TIAM2: variants seen among roughly 807,000 people sequenced by gnomAD.
TIAM2 encodes TIAM Rac1 associated GEF 2, also known as rho guanine nucleotide exchange factor TIAM2.
Under a neutral mutation model 152.9 loss-of-function variants are expected in TIAM2, and 80 were observed. The ratio of observed to expected loss-of-function variants is 0.52; its 90% CI spans 0.44 to 0.63. The LOEUF (loss-of-function observed/expected upper bound fraction) is 0.63. TIAM2 is among the 30% of genes least tolerant of loss of function. The pLI is 0.00. For missense variants in TIAM2, 1,965 were observed against 2,120.1 expected (o/e 0.93, Z 1.44); for synonymous variants, 804 against 838.0 (o/e 0.96, Z 0.70).
intron 1 of TIAM2, among the ~76,000 whole-genome samples, chr6:155,017,250 T>G (rs552656044): frequency 1.2e-3 from 177 of 152,042 alleles, no homozygotes; most frequent in Non-Finnish European, 2.0e-3. Context: ...CCAGGAAAAC[T>G]GAGGGGCAAG....
At chr6:155,196,275 A>G (rs1230910124) in intron 14 of TIAM2, among the ~76,000 whole-genome samples, 1 of 152,034 alleles carries the variant, frequency 6.6e-6, no homozygotes, top group East Asian at 1.9e-4. Context: ...AAATAGGAAG[A>G]TGGGTGTGGA....
intron 1 of TIAM2, among the ~76,000 whole-genome samples, chr6:155,081,247 T>C (rs1482446658): frequency 6.6e-6 from 1 of 152,174 alleles, no homozygotes. Flanking sequence ...CAGAAATGAC[T>C]GGCATCTCCA....
chr6:155,116,130 C>G (rs1228612750), intron 2 of TIAM2, among the ~76,000 whole-genome samples: 2 of 152,122 alleles, frequency 1.3e-5, no homozygotes, highest in South Asian at 4.2e-4. Context: ...TTAGGCCCTT[C>G]CCCCTCCATC....
chr6:155,004,533 T>A lies in TIAM2; in HGVS notation c.-209+9041T>A, dbSNP rs575593960. On this transcript the variant is annotated intron_variant, in intron 1 of 26. Coordinates refer to ENST00000682666, the MANE Select transcript of TIAM2 (RefSeq NM_012454.4). ...AGCCTCCCGAGTAGCTGGGACTTGT[T>A]ACAGGCGCCCGCCACTACGCCCAGC... 5.3e-5 allele frequency among the ~76,000 whole-genome samples: 8 copies of A among 152,048 alleles called. No individual in the cohort carries two copies. In the South Asian group the frequency reaches 1.5e-3, roughly 28 times the overall value.
Position 155,256,999 on chromosome 6 carries a change from C to CA in TIAM2, c.4985dup (p.Ser1663ValfsTer2). ...GATCCGTCACCAGTCCCTTGACAGT[C>CA]AGTCTGAAAATGCCACCATCGACCT... On this transcript the variant is annotated frameshift_variant, in exon 27 of 27. Coordinates refer to ENST00000682666, the MANE Select transcript of TIAM2 (RefSeq NM_012454.4). LOFTEE classifies it high-confidence loss of function. 6.2e-7 allele frequency: 1 copy of CA among 1,614,154 alleles called. No homozygotes were observed. The highest frequency in any genetic ancestry group is 1.1e-5 in the South Asian group (1 of 91,068).
chr6:155,248,561 G>C (rs1389101499), intron 20 of TIAM2, among the ~76,000 whole-genome samples: 1 of 152,190 alleles, frequency 6.6e-6, no homozygotes, highest in Non-Finnish European at 1.5e-5. Context: ...TGTGGGGTTC[G>C]CTGCCCGAGC....
intron 1 of TIAM2, among the ~76,000 whole-genome samples, chr6:155,025,435 C>T (rs1776582572): frequency 6.6e-6 from 1 of 152,052 alleles, no homozygotes; most frequent in Non-Finnish European, 1.5e-5. Flanking sequence ...CCCTCCTCAG[C>T]CTCCCAAAGT....
At chr6:155,107,722 A>G (rs182800329) in intron 2 of TIAM2, among the ~76,000 whole-genome samples, 2 of 152,320 alleles carry the variant, frequency 1.3e-5, no homozygotes, top group Admixed American at 1.3e-4. Context: ...AACTTTATGA[A>G]AAAGAAATGG....
intron 1 of TIAM2, among the ~76,000 whole-genome samples, chr6:154,999,924 G>C (rs2475862): frequency 0.023 from 3,539 of 151,986 alleles, 68 homozygotes; most frequent in Non-Finnish European, 0.036. Context: ...TGATCCGCCC[G>C]CCTCGGCCTC....
intron 1 of TIAM2, among the ~76,000 whole-genome samples, chr6:155,019,361 AG>A (rs1239170256): frequency 6.6e-6 from 1 of 152,150 alleles, no homozygotes; most frequent in Non-Finnish European, 1.5e-5. Context: ...AAAATAAAAA[AG>A]GATCCAAATT....
Position 155,257,129 on chromosome 6 carries a change from C to A in TIAM2, c.*8C>A. ...AGCCACGGAAAATCATAGTATGATT[C>A]AATCCAGATATGGGTTAAATTCCTC... is the stretch of plus-strand genomic sequence containing the variant. On this transcript the variant is annotated 3_prime_UTR_variant, in exon 27 of 27. Transcript: ENST00000682666. 1 of 1,453,484 alleles carries A rather than the reference C, an allele frequency of 6.9e-7. No individual in the cohort carries two copies. Among genetic ancestry groups the A allele is most frequent in the South Asian group, 1.1e-5 (1 of 88,778 alleles). The allele number at this position is 1,453,484 out of a possible 1,614,324, so 90.0% of individuals were successfully genotyped here.
chr6:155,148,337 A>G lies in TIAM2; in HGVS notation c.2028+3A>G. On this transcript the variant is annotated splice_donor_region_variant and intron_variant, in intron 7 of 26. Coordinates refer to ENST00000682666, the MANE Select transcript of TIAM2 (RefSeq NM_012454.4). ...ACAGGAAAGCCATAGAGAACCAGGT[A>G]CTGTTTGTCTACACCTGAGTTTTCT... is the stretch of plus-strand genomic sequence containing the variant. The G allele has an allele frequency of 6.2e-7, 1 of 1,610,148 alleles. No individual in the cohort carries two copies. The highest frequency in any genetic ancestry group is 2.3e-4 in the Middle Eastern group (1 of 4,442).
chr6:155,224,107 T>TC lies in TIAM2; in HGVS notation c.3168+12801dup, dbSNP rs547313035. On this transcript the variant is annotated intron_variant, in intron 15 of 26. Coordinates refer to ENST00000682666, the MANE Select transcript of TIAM2 (RefSeq NM_012454.4). ...GAAATCGTCACCTGGCTGCCTTCTG[T>TC]CAATATTCTTGCGTAGAGATTGTAG... Among the ~76,000 whole-genome samples the TC allele has an allele frequency of 1.8e-3, 272 of 152,316 alleles. 1 individual carries two copies. The highest frequency in any genetic ancestry group is 6.2e-3 in the African/African-American group (256 of 41,570).
intron 1 of TIAM2, chr6:155,004,985 C>G: frequency 2.4e-6 from 1 of 412,866 alleles, no homozygotes; most frequent in South Asian, 5.8e-5. Context: ...CTTCACTTAC[C>G]TTAAGCCATT....
chr6:155,031,699 G>C (rs1276097248), intron 1 of TIAM2, among the ~76,000 whole-genome samples: 3 of 152,142 alleles, frequency 2.0e-5, no homozygotes, highest in Non-Finnish European at 4.4e-5. Flanking sequence ...ACTCCAGCCT[G>C]GGCACAGAGT....
intron 7 of TIAM2, among the ~76,000 whole-genome samples, chr6:155,163,019 A>G (rs1329980504): frequency 6.6e-6 from 1 of 152,236 alleles, no homozygotes; most frequent in Non-Finnish European, 1.5e-5. Context: ...GGGAATGCCC[A>G]GAATTTGTAA....
At chr6:155,143,080 T>C (rs924111022) in intron 5 of TIAM2, among the ~76,000 whole-genome samples, 2 of 152,238 alleles carry the variant, frequency 1.3e-5, no homozygotes, top group Non-Finnish European at 2.9e-5. Context: ...GAAGGCAGGC[T>C]GGTGTTTCTT....
intron 1 of TIAM2, among the ~76,000 whole-genome samples, chr6:155,044,828 G>GAA (rs11450049): frequency 0.047 from 6,842 of 145,328 alleles, 528 homozygotes; most frequent in African/African-American, 0.16. Context: ...ACTCTGTCTC[G>GAA]AAAAAAAAAA....
intron 1 of TIAM2, among the ~76,000 whole-genome samples, chr6:155,041,698 C>T (rs921472166): frequency 6.6e-6 from 1 of 152,204 alleles, no homozygotes; most frequent in Admixed American, 6.5e-5. Context: ...TTGGTAAACA[C>T]TCTTTAGCCC....
Sources: allele counts gnomAD v4.1 joint callset (sites outside exome capture counted in the v4.1 genomes callset), GRCh38; gene constraint gnomAD v4.1.1; transcripts MANE v1.5; gene names NCBI Gene and HGNC (gene_info 2026-07-23, HGNC 2026-07-21).